ATRNL1: variants seen among roughly 807,000 people sequenced by gnomAD.
The protein encoded by ATRNL1 is attractin-like protein 1.
A neutral mutation model predicts 182.7 loss-of-function variants in ATRNL1; 95 were observed. That is an observed-to-expected ratio of 0.52 (90% CI 0.44 to 0.62). The LOEUF (loss-of-function observed/expected upper bound fraction) is 0.62, where lower values mean the gene tolerates loss of function less well. ATRNL1 is among the 20% of genes least tolerant of loss of function. ATRNL1 has a pLI of 0.00. For missense variants in ATRNL1, 1,471 were observed against 1,679.5 expected, an observed-to-expected ratio of 0.88 and a Z score of 2.17; for synonymous variants, 576 against 568.3, an observed-to-expected ratio of 1.01 and a Z score of -0.19.
At chr10:115,098,236 T>A (rs1554863630) in intron 1 of ATRNL1, among the ~76,000 whole-genome samples, 2 of 152,010 alleles carry the variant, frequency 1.3e-5, no homozygotes, top group Non-Finnish European at 2.9e-5. Context: ...AGTAGCATGG[T>A]TTTCAAGAAC....
At chr10:115,178,742 G>A (rs1165140537) in intron 8 of ATRNL1, among the ~76,000 whole-genome samples, 1 of 152,116 alleles carries the variant, frequency 6.6e-6, no homozygotes, top group South Asian at 2.1e-4. Context: ...TGAGGACACA[G>A]CATTCTTCCC....
At chr10:115,369,999 CAG>C (rs1349257356) in intron 19 of ATRNL1, among the ~76,000 whole-genome samples, 1 of 152,170 alleles carries the variant, frequency 6.6e-6, no homozygotes, top group Non-Finnish European at 1.5e-5. Flanking sequence ...AATTGAATCA[CAG>C]GGGTGGATCT....
chr10:115,701,207 T>G (rs1555051438), intron 26 of ATRNL1, among the ~76,000 whole-genome samples: 1 of 152,014 alleles, frequency 6.6e-6, no homozygotes, highest in East Asian at 1.9e-4. Context: ...TGAATTGACT[T>G]TTGGATAAAC....
At chr10:115,622,337 T>A (rs1269725600) in intron 26 of ATRNL1, among the ~76,000 whole-genome samples, 1 of 152,178 alleles carries the variant, frequency 6.6e-6, no homozygotes, top group Non-Finnish European at 1.5e-5. Flanking sequence ...TCCATACCAG[T>A]TCATTATGGA....
chr10:115,275,041 A>G (rs897771474), intron 13 of ATRNL1, among the ~76,000 whole-genome samples: 1 of 152,168 alleles, frequency 6.6e-6, no homozygotes, highest in African/African-American at 2.4e-5. Flanking sequence ...AATCTTTGCA[A>G]TCCCTCCAGG....
At chr10:115,724,555 A>G (rs1762062085) in intron 26 of ATRNL1, among the ~76,000 whole-genome samples, 1 of 152,174 alleles carries the variant, frequency 6.6e-6, no homozygotes. Flanking sequence ...TACTATTGCT[A>G]TTCCCATTTT....
intron 27 of ATRNL1, among the ~76,000 whole-genome samples, chr10:115,750,617 A>G (rs532629371): frequency 9.2e-5 from 14 of 151,762 alleles, no homozygotes; most frequent in Admixed American, 2.0e-4. Context: ...AGGTGACAAT[A>G]TGAAAATTTA....
intron 21 of ATRNL1, among the ~76,000 whole-genome samples, chr10:115,427,204 T>A (rs1845944042): frequency 6.6e-6 from 1 of 152,238 alleles, no homozygotes; most frequent in African/African-American, 2.4e-5. Context: ...CATTTTAATT[T>A]GCACTTTCCT....
chr10:115,919,051 C>T (rs148806483), intron 28 of ATRNL1, among the ~76,000 whole-genome samples: 116 of 152,290 alleles, frequency 7.6e-4, no homozygotes, highest in African/African-American at 2.3e-3. Flanking sequence ...AATAAAACTT[C>T]GCAGACATAA....
intron 1 of ATRNL1, among the ~76,000 whole-genome samples, chr10:115,116,337 G>A (rs531785071): frequency 3.1e-4 from 47 of 151,994 alleles, no homozygotes; most frequent in Non-Finnish European, 2.9e-5. Context: ...AGAAATAGTA[G>A]TTATGTAAGA....
At chr10:115,790,532 T>G (rs1274024740) in intron 27 of ATRNL1, among the ~76,000 whole-genome samples, 1 of 151,974 alleles carries the variant, frequency 6.6e-6, no homozygotes, top group Non-Finnish European at 1.5e-5. Flanking sequence ...GTTAAGCTTA[T>G]ATCCAACCAG....
intron 19 of ATRNL1, among the ~76,000 whole-genome samples, chr10:115,364,822 T>G (rs1179261294): frequency 6.6e-6 from 1 of 150,938 alleles, no homozygotes; most frequent in African/African-American, 2.4e-5. Context: ...TGGATTACAT[T>G]TATTGATTTG....
At chr10:115,813,191 A>T (rs980044145) in intron 27 of ATRNL1, among the ~76,000 whole-genome samples, 12 of 152,124 alleles carry the variant, frequency 7.9e-5, no homozygotes, top group Non-Finnish European at 1.3e-4. Flanking sequence ...TATGTAACAA[A>T]CCTGCACGTT....
intron 26 of ATRNL1, among the ~76,000 whole-genome samples, chr10:115,630,919 A>G (rs1300683870): frequency 4.6e-5 from 7 of 150,662 alleles, no homozygotes; most frequent in African/African-American, 1.5e-4. Flanking sequence ...GTCTTTTGCA[A>G]CAACCTGGAT....
intron 26 of ATRNL1, among the ~76,000 whole-genome samples, chr10:115,719,576 C>G (rs1409976570): frequency 6.6e-6 from 1 of 152,106 alleles, no homozygotes; most frequent in Non-Finnish European, 1.5e-5. Flanking sequence ...AATTCTAATC[C>G]TTTCCTAATT....
intron 9 of ATRNL1, among the ~76,000 whole-genome samples, chr10:115,227,536 A>G (rs1161856446): frequency 1.3e-5 from 2 of 152,186 alleles, no homozygotes; most frequent in Non-Finnish European, 2.9e-5. Context: ...CTGAGCTACC[A>G]TTTGACCCAG....
chr10:115,776,007 T>C (rs1412258122), intron 27 of ATRNL1, among the ~76,000 whole-genome samples: 2 of 149,800 alleles, frequency 1.3e-5, no homozygotes, highest in African/African-American at 4.9e-5. Context: ...AAAAGTCGAA[T>C]ATTCTTTTAT....
rs117595213 is a variant in ATRNL1 at position 115,610,177 on chromosome 10, A to G, written c.3795+60641A>G. On this transcript the variant is annotated intron_variant, in intron 26 of 28. Transcript: ENST00000355044. ...CGTTATGTAACTACCAAGATGACAA[A>G]GCTAGTAATGGAGCAACCGCAATGC... is the stretch of plus-strand genomic sequence containing the variant. Among the ~76,000 whole-genome samples, 9 of 152,296 alleles carry G rather than the reference A, an allele frequency of 5.9e-5. No homozygotes were observed. The East Asian group carries it at 1.7e-3, about 29-fold the overall frequency.
chr10:115,394,693 T>A lies in ATRNL1; in HGVS notation c.3210T>A (p.His1070Gln). 6.2e-7 allele frequency: 1 copy of A among 1,611,646 alleles called. No individual in the cohort carries two copies. Among genetic ancestry groups the A allele is most frequent in the Non-Finnish European group, 8.5e-7 (1 of 1,178,576 alleles). ...CTCSGHANICHLHTGKCFCTT... is the reference protein window; with the variant it reads ...CTCSGHANICQLHTGKCFCTT... ...GCAGTGGCCATGCAAATATCTGTCA[T>A]CTGCACACAGGAAAATGTTTCTGCA... is the stretch of plus-strand genomic sequence containing the variant. The change falls in exon 20 of 29, where the codon CAT (histidine) becomes CAA (glutamine). Residue 1070 changes from histidine to glutamine, a missense_variant. Around this residue, in one of 3 missense-constraint regions of ATRNL1, gnomAD observed 437 missense variants for 506.0 expected, o/e 0.86. Transcript: ENST00000355044.
Sources: allele counts gnomAD v4.1 joint callset (sites outside exome capture counted in the v4.1 genomes callset), GRCh38; gene constraint gnomAD v4.1.1; regional missense constraint gnomAD v4.1.1; transcripts MANE v1.5; gene names NCBI Gene and HGNC (gene_info 2026-07-23, HGNC 2026-07-21).